GYPE: variants seen among roughly 807,000 people sequenced by gnomAD.
GYPE encodes glycophorin E (MNS blood group).
GYPE carries 8 observed loss-of-function variants against 11.6 expected under a neutral mutation model. The observed-to-expected ratio is 0.69, with a 90% CI of 0.41 to 1.25. The LOEUF is 1.25. Among genes scored for constraint, GYPE ranks in the 50% most tolerant of loss-of-function variants. The pLI is 0.01. For synonymous variants in GYPE, 28 were observed against 29.6 expected, an observed-to-expected ratio of 0.94 and a Z score of 0.18; for missense variants, 90 against 92.8, an observed-to-expected ratio of 0.97 and a Z score of 0.12.
intron 1 of GYPE, among the ~76,000 whole-genome samples, chr4:143,883,173 A>T (rs1578960219): frequency 6.6e-6 from 1 of 151,040 alleles, no homozygotes; most frequent in South Asian, 2.1e-4. Flanking sequence ...AGTGTGTGGC[A>T]CCTCCCCACT....
intron 1 of GYPE, 42 bp from the exon 2 acceptor site, chr4:143,880,551 G>A (rs765511782): frequency 1.2e-6 from 2 of 1,613,058 alleles, no homozygotes; most frequent in Non-Finnish European, 8.5e-7. Context: ...AGAACGAGGT[G>A]ACTGAGCGGA....
chr4:143,894,286 G>A (rs1465096016), intron 1 of GYPE, among the ~76,000 whole-genome samples: 15 of 152,026 alleles, frequency 9.9e-5, no homozygotes, highest in South Asian at 2.1e-4. Flanking sequence ...TAGTTTGATC[G>A]TCTGAAGCCT....
In GYPE at chr4:143,878,031, AGTACTCAG is replaced by A. The variant is rs1204407864; in HGVS notation, c.137-1184_137-1177del. ...ATAAGCTCTTATGAGGCTTCTTTCA[AGTACTCAG>A]GGTTGGTTAGAAAGGTAAAACATCT... On this transcript the variant is annotated intron_variant, in intron 2 of 3. Transcript: ENST00000358615. 3.2e-4 allele frequency among the ~76,000 whole-genome samples: 48 copies of A among 150,684 alleles called. 1 individual carries two copies. Among genetic ancestry groups the A allele is most frequent in the Admixed American group, 2.9e-3 (43 of 15,050 alleles).
At chr4:143,875,478 G>A in intron 3 of GYPE, 8 of 1,551,104 alleles carry the variant, frequency 5.2e-6, no homozygotes, top group Non-Finnish European at 6.1e-6. Flanking sequence ...TTCTAGGCAA[G>A]ATCAGGCAGC....
rs368374262 is a variant in GYPE, at chr4:143,880,454, G to C, written c.93C>G (p.Thr31=). 6.2e-7 allele frequency: 1 copy of C among 1,614,000 alleles called. No individual in the cohort carries two copies. The highest frequency in any genetic ancestry group is 8.5e-7 in the Non-Finnish European group (1 of 1,179,856). The part of the protein sequence containing the change: ...STTGVAMHTS[T]SSSVTKSYIS... ...TGTAACTCTTTGTGACTGAAGAAGA[G>C]GTTGAAGTGTGCATTGCCACACCAG... Residue 31 remains threonine (T), a synonymous_variant, in exon 2 of 4, where the codon ACC becomes ACG. Coordinates refer to ENST00000358615, the MANE Select transcript of GYPE (RefSeq NM_198682.3).
At chr4:143,900,666 T>C (rs561045511) in intron 1 of GYPE, among the ~76,000 whole-genome samples, 11 of 152,012 alleles carry the variant, frequency 7.2e-5, no homozygotes, top group Admixed American at 2.6e-4. Flanking sequence ...AGGAATGAAA[T>C]ACTGATACAC....
At chr4:143,875,129 G>A (rs925807282) in intron 3 of GYPE, among the ~76,000 whole-genome samples, 2 of 152,098 alleles carry the variant, frequency 1.3e-5, no homozygotes, top group Non-Finnish European at 2.9e-5. Flanking sequence ...TATTTCACAT[G>A]AGACTTCATG....
chr4:143,894,416 C>G (rs1367440935), intron 1 of GYPE, among the ~76,000 whole-genome samples: 1 of 151,928 alleles, frequency 6.6e-6, no homozygotes, highest in Non-Finnish European at 1.5e-5. Context: ...TTTTTCTGCT[C>G]TGTTTTTTCC....
Position 143,898,166 on chromosome 4 carries a change from C to T in GYPE, c.37+7305G>A, listed in dbSNP as rs574162640. On this transcript the variant is annotated intron_variant, in intron 1 of 3. Coordinates refer to ENST00000358615, the MANE Select transcript of GYPE (RefSeq NM_198682.3). ...CCGAGGCAGGTGGATTGCCTGAGCT[C>T]AGGAGTTGGAGACCAGCCTGGGCAA... is the stretch of plus-strand genomic sequence containing the variant. 9.0e-4 allele frequency among the ~76,000 whole-genome samples: 137 copies of T among 152,274 alleles called. 2 individuals are homozygous for T. The highest frequency in any genetic ancestry group is 1.6e-3 in the Non-Finnish European group (107 of 68,024).
intron 1 of GYPE, among the ~76,000 whole-genome samples, chr4:143,890,972 C>G (rs894432379): frequency 6.6e-6 from 1 of 152,004 alleles, no homozygotes; most frequent in Non-Finnish European, 1.5e-5. Flanking sequence ...GTTCCCATCT[C>G]TACCTGGCAG....
chr4:143,891,996 T>C (rs1419323112), intron 1 of GYPE, among the ~76,000 whole-genome samples: 9 of 152,190 alleles, frequency 5.9e-5, no homozygotes, highest in Non-Finnish European at 1.2e-4. Flanking sequence ...GAGCCTGTTA[T>C]TGGTCCATTC....
At chr4:143,892,637 T>A (rs1368069004) in intron 1 of GYPE, among the ~76,000 whole-genome samples, 1 of 152,090 alleles carries the variant, frequency 6.6e-6, no homozygotes, top group African/African-American at 2.4e-5. Flanking sequence ...AGTCTCTTAA[T>A]CCTGAGTTCT....
intron 1 of GYPE, among the ~76,000 whole-genome samples, chr4:143,883,941 G>A (rs1231564046): frequency 6.6e-6 from 1 of 152,208 alleles, no homozygotes; most frequent in Admixed American, 6.5e-5. Flanking sequence ...TAACTGTTCA[G>A]CAGGATGTTA....
intron 3 of GYPE, among the ~76,000 whole-genome samples, chr4:143,875,889 A>G (rs1223203804): frequency 6.6e-6 from 1 of 151,964 alleles, no homozygotes; most frequent in East Asian, 1.9e-4. Flanking sequence ...CACGAGAATC[A>G]CTTGAACCAG....
At chr4:143,892,616 G>A (rs1335095265) in intron 1 of GYPE, among the ~76,000 whole-genome samples, 28 of 152,000 alleles carry the variant, frequency 1.8e-4, no homozygotes, top group African/African-American at 5.8e-4. Flanking sequence ...GTAGTTGAGC[G>A]GTTTTGAGTG....
chr4:143,896,854 G>A (rs996482309), intron 1 of GYPE, among the ~76,000 whole-genome samples: 3 of 152,156 alleles, frequency 2.0e-5, no homozygotes, highest in Non-Finnish European at 2.9e-5. Context: ...CATGTCCTTT[G>A]TAGGGACATG....
At chr4:143,875,388 T>C (rs988625445) in intron 3 of GYPE, 2 of 1,401,040 alleles carry the variant, frequency 1.4e-6, no homozygotes, top group Non-Finnish European at 2.0e-6. Flanking sequence ...GGAGTTAGGA[T>C]AGCCAAGGGT....
intron 1 of GYPE, among the ~76,000 whole-genome samples, chr4:143,896,673 C>A (rs547521102): frequency 4.6e-5 from 7 of 152,162 alleles, no homozygotes; most frequent in Admixed American, 3.3e-4. Context: ...ACCCAAAGGA[C>A]TATAAATCAT....
intron 1 of GYPE, among the ~76,000 whole-genome samples, chr4:143,894,084 T>C (rs1366765210): frequency 6.6e-6 from 1 of 152,196 alleles, no homozygotes; most frequent in African/African-American, 2.4e-5. Flanking sequence ...TGATACCCTT[T>C]CTTCCAGTTG....
Sources: allele counts gnomAD v4.1 joint callset (sites outside exome capture counted in the v4.1 genomes callset), GRCh38; gene constraint gnomAD v4.1.1; transcripts MANE v1.5; gene names NCBI Gene and HGNC (gene_info 2026-07-23, HGNC 2026-07-21).